The following PTPRD variants were observed in gnomAD, a reference collection of about 807,000 sequenced individuals.
PTPRD encodes the protein protein tyrosine phosphatase receptor type D, also known as receptor-type tyrosine-protein phosphatase delta.
PTPRD carries 34 observed loss-of-function variants against 214.5 expected under a neutral mutation model. That is an observed-to-expected ratio of 0.16 (90% confidence interval 0.12 to 0.21). The LOEUF is 0.21. Ranked by LOEUF, PTPRD falls within the 10% of genes least tolerant of loss-of-function variation. The pLI is 1.00. For synonymous variants in PTPRD, 1,128 were observed against 845.7 expected (o/e 1.33, Z -5.79); for missense variants, 2,545 against 2,398.7 (o/e 1.06, Z -1.27).
At chr9:9,832,259 C>T (rs2055121845) in intron 5 of PTPRD, among the ~76,000 whole-genome samples, 1 of 151,872 alleles carries the variant, frequency 6.6e-6, no homozygotes, top group Non-Finnish European at 1.5e-5. Context: ...AGAGTATCTA[C>T]AATGAAGTAC....
At chr9:8,445,901 A>G (rs563025241) in intron 34 of PTPRD, among the ~76,000 whole-genome samples, 1 of 152,296 alleles carries the variant, frequency 6.6e-6, no homozygotes, top group East Asian at 1.9e-4. Context: ...AAGTACCTCT[A>G]GCTGCCAGCA....
chr9:8,327,816 A>G lies in PTPRD; in HGVS notation c.5534+3766T>C, dbSNP rs147636221. Among the ~76,000 whole-genome samples, 21 of 152,218 alleles carry G rather than the reference A, an allele frequency of 1.4e-4. No homozygotes were observed. The East Asian group carries it at 2.9e-3, about 21-fold the overall frequency. ...TCTTTGTTGGTTTAAAGTCCGTTTT[A>G]TCAGAGACTAGGATTGTATCCCCTG... On this transcript the variant is annotated intron_variant, in intron 44 of 45. Coordinates refer to ENST00000381196, the MANE Select transcript of PTPRD (RefSeq NM_002839.4).
intron 29 of PTPRD, 113 bp downstream of exon 29, chr9:8,485,114 C>G (rs1360291929): frequency 2.6e-5 from 20 of 768,132 alleles, no homozygotes; most frequent in Middle Eastern, 2.9e-4. Flanking sequence ...ATGAAAATAG[C>G]AAGGACACGT....
At chr9:10,005,758 C>A (rs2096460641) in intron 4 of PTPRD, among the ~76,000 whole-genome samples, 1 of 151,944 alleles carries the variant, frequency 6.6e-6, no homozygotes, top group Non-Finnish European at 1.5e-5. Context: ...TAGTCTTTAA[C>A]CCAGTTATTG....
Position 9,785,169 on chromosome 9 carries a change from T to A in PTPRD, c.-367-18318A>T, listed in dbSNP as rs1053419354. On this transcript the variant is annotated intron_variant, in intron 5 of 45. Transcript: ENST00000381196. ...AATACTATTTTAAGTAACAAAAATC[T>A]TATTGTATAATAAATATAGAAAGGA... Among the ~76,000 whole-genome samples, 8 of 151,972 alleles carry A rather than the reference T, an allele frequency of 5.3e-5. No homozygotes were observed. The East Asian group carries it at 1.3e-3, about 26-fold the overall frequency.
intron 3 of PTPRD, among the ~76,000 whole-genome samples, chr9:10,090,873 T>G (rs1004119199): frequency 6.9e-6 from 1 of 144,902 alleles, no homozygotes; most frequent in Non-Finnish European, 1.5e-5. Context: ...AACTTTTGTC[T>G]TACAAAAATC....
At chr9:9,761,372 T>A (rs1052571983) in intron 6 of PTPRD, among the ~76,000 whole-genome samples, 1 of 152,144 alleles carries the variant, frequency 6.6e-6, no homozygotes, top group Non-Finnish European at 1.5e-5. Context: ...CAGGAAGTAT[T>A]GTTTAGGAAG....
At chr9:10,055,809 T>G (rs2097627228) in intron 3 of PTPRD, among the ~76,000 whole-genome samples, 3 of 151,546 alleles carry the variant, frequency 2.0e-5, no homozygotes, top group South Asian at 4.2e-4. Flanking sequence ...TATATATAAA[T>G]ATAATGTATA....
chr9:9,154,234 T>C (rs1207348681), intron 10 of PTPRD, among the ~76,000 whole-genome samples: 1 of 152,208 alleles, frequency 6.6e-6, no homozygotes, highest in Non-Finnish European at 1.5e-5. Flanking sequence ...AATATGTTTA[T>C]AGTAATAAGC....
chr9:10,188,741 G>A (rs2099349078), intron 3 of PTPRD, among the ~76,000 whole-genome samples: 1 of 152,102 alleles, frequency 6.6e-6, no homozygotes, highest in South Asian at 2.1e-4. Context: ...GAAGACATAA[G>A]ATTCACCAGA....
At chr9:8,696,919 G>A (rs2097922343) in intron 12 of PTPRD, among the ~76,000 whole-genome samples, 1 of 152,172 alleles carries the variant, frequency 6.6e-6, no homozygotes, top group Non-Finnish European at 1.5e-5. Flanking sequence ...ACAGAAGAAA[G>A]AGATGATACC....
At chr9:9,056,632 C>T (rs2099696736) in intron 10 of PTPRD, among the ~76,000 whole-genome samples, 2 of 152,288 alleles carry the variant, frequency 1.3e-5, no homozygotes, top group Non-Finnish European at 1.5e-5. Flanking sequence ...GACCATTTCA[C>T]TTTCTTACTG....
intron 2 of PTPRD, among the ~76,000 whole-genome samples, chr9:10,481,564 T>C (rs1213481517): frequency 6.6e-6 from 1 of 152,156 alleles, no homozygotes; most frequent in Non-Finnish European, 1.5e-5. Flanking sequence ...CAATGTCTCT[T>C]AGCCTCATGA....
At chr9:10,562,850 T>C (rs1483148006) in intron 2 of PTPRD, among the ~76,000 whole-genome samples, 2 of 152,142 alleles carry the variant, frequency 1.3e-5, no homozygotes, top group Non-Finnish European at 2.9e-5. Context: ...TTTGCTCAGA[T>C]ACTTGATTTA....
At chr9:8,474,946 CAT>C (rs1394679128) in intron 30 of PTPRD, among the ~76,000 whole-genome samples, 1 of 152,126 alleles carries the variant, frequency 6.6e-6, no homozygotes, top group Non-Finnish European at 1.5e-5. Context: ...CCTTCTCTCT[CAT>C]ATATCTCAAC....
chr9:9,045,739 G>C (rs577398640), intron 10 of PTPRD, among the ~76,000 whole-genome samples: 4 of 152,038 alleles, frequency 2.6e-5, no homozygotes, highest in Non-Finnish European at 4.4e-5. Context: ...CATTCCTTCA[G>C]CCAGCAAGCA....
intron 2 of PTPRD, among the ~76,000 whole-genome samples, chr9:10,575,777 C>A (rs1293735728): frequency 6.6e-6 from 1 of 152,016 alleles, no homozygotes; most frequent in Non-Finnish European, 1.5e-5. Context: ...TCTCTCTTCC[C>A]CACATATTTT....
At chr9:10,088,704 T>C (rs986118990) in intron 3 of PTPRD, among the ~76,000 whole-genome samples, 4 of 151,908 alleles carry the variant, frequency 2.6e-5, no homozygotes, top group Middle Eastern at 6.8e-3. Flanking sequence ...TCCTTGTTTA[T>C]AAAATAGACA....
intron 9 of PTPRD, among the ~76,000 whole-genome samples, chr9:9,250,042 G>T (rs1200865073): frequency 2.6e-5 from 4 of 151,996 alleles, no homozygotes; most frequent in Admixed American, 1.3e-4. Flanking sequence ...TAAGTAAGGG[G>T]AAATCATTTT....
Sources: allele counts gnomAD v4.1 joint callset (sites outside exome capture counted in the v4.1 genomes callset), GRCh38; gene constraint gnomAD v4.1.1; transcripts MANE v1.5; gene names NCBI Gene and HGNC (gene_info 2026-07-23, HGNC 2026-07-21).